DCAF11: variants seen among roughly 807,000 people sequenced by gnomAD.
The protein encoded by DCAF11 is DDB1- and CUL4-associated factor 11.
Under a neutral mutation model 76.1 loss-of-function variants are expected in DCAF11, and 44 were observed. The ratio of observed to expected loss-of-function variants is 0.58; its 90% CI spans 0.45 to 0.74. The LOEUF (loss-of-function observed/expected upper bound fraction) is 0.74, where lower values mean the gene tolerates loss of function less well. Ranked by LOEUF, DCAF11 falls within the 30% of genes least tolerant of loss-of-function variation. The pLI, the probability that DCAF11 is intolerant of heterozygous loss-of-function variation, is 0.00. For synonymous variants in DCAF11, 258 were observed against 255.0 expected, an observed-to-expected ratio of 1.01 and a Z score of -0.11; for missense variants, 604 against 709.4, an observed-to-expected ratio of 0.85 and a Z score of 1.69.
At position 24,118,049 on chromosome 14, in the gene DCAF11, C is replaced by T; in HGVS notation, c.477-6C>T. Reference sequence around the variant, plus strand: ...CCTCACCCTCACTTTCTCTCTCCTTCCCTAGCTTCTTGCCCAATGATCTGG... The same window carrying T: ...CCTCACCCTCACTTTCTCTCTCCTTTCCTAGCTTCTTGCCCAATGATCTGG... On this transcript the variant is annotated splice_polypyrimidine_tract_variant and splice_region_variant and intron_variant, in intron 5 of 14. Coordinates refer to ENST00000446197, the MANE Select transcript of DCAF11 (RefSeq NM_025230.5). The T allele has an allele frequency of 6.2e-7, 1 of 1,602,712 alleles. No homozygotes were observed. Among genetic ancestry groups the T allele is most frequent in the South Asian group, 1.1e-5 (1 of 89,812 alleles).
chr14:24,116,451 C>T (rs2037568838), intron 2 of DCAF11, among the ~76,000 whole-genome samples: 1 of 152,212 alleles, frequency 6.6e-6, no homozygotes, highest in Non-Finnish European at 1.5e-5. Flanking sequence ...CAGCCTGCAA[C>T]TCCTGGGCTC....
intron 9 of DCAF11, 79 bp downstream of exon 9, chr14:24,119,292 G>A: frequency 1.3e-6 from 2 of 1,557,168 alleles, no homozygotes; most frequent in Admixed American, 1.7e-5. Context: ...TTACACAGAT[G>A]GCACTGGCAG....
chr14:24,121,081 C>G, intron 12 of DCAF11, 90 bp downstream of exon 12: 1 of 1,522,202 alleles, frequency 6.6e-7, no homozygotes, highest in Non-Finnish European at 8.9e-7. Flanking sequence ...CAGGCATTAA[C>G]TCTTTATTTG....
At chr14:24,118,906 A>G (rs886478237) in intron 8 of DCAF11, 102 bp downstream of exon 8, 11 of 1,372,728 alleles carry the variant, frequency 8.0e-6, no homozygotes, top group Non-Finnish European at 1.1e-5. Context: ...GGGAAAAAGT[A>G]TACTGGTGGG....
rs2037737028 is a variant in DCAF11, at chr14:24,123,939, G to A, written c.*630G>A. The stretch of plus-strand genomic sequence containing the variant: ...CCTCTGGGAAGGTCCCTTCATGCTG[G>A]AGGCACACAGCTTTAAGGAAGTAGG... On this transcript the variant is annotated 3_prime_UTR_variant, in exon 15 of 15. Transcript: ENST00000446197. The A allele has an allele frequency of 6.6e-6, 1 of 152,210 alleles. No homozygotes were observed. The highest frequency in any genetic ancestry group is 2.1e-4 in the South Asian group (1 of 4,832). The allele number at this position is 152,210 out of a possible 1,614,324, so 9.4% of individuals were successfully genotyped here.
Position 24,119,216 on chromosome 14 carries a change from A to T in DCAF11, c.848+3A>T. ...GATGGACGAGAAGTACTAGGAGGGTAAGTGCTTGTGGGGTATGTTTCCCTC... is the reference window on the plus strand; with the variant it reads ...GATGGACGAGAAGTACTAGGAGGGTTAGTGCTTGTGGGGTATGTTTCCCTC... On this transcript the variant is annotated splice_donor_region_variant and intron_variant, in intron 9 of 14. Coordinates refer to ENST00000446197, the MANE Select transcript of DCAF11 (RefSeq NM_025230.5). 1 of 1,614,164 alleles carries T rather than the reference A, an allele frequency of 6.2e-7. No homozygotes were observed. Among genetic ancestry groups the T allele is most frequent in the Non-Finnish European group, 8.5e-7 (1 of 1,180,000 alleles).
chr14:24,117,641 C>T lies in DCAF11; in HGVS notation c.412-27C>T, dbSNP rs371314927. On this transcript the variant is annotated intron_variant, in intron 4 of 14. Transcript: ENST00000446197. This position sits in a 1 kb window ranked among gnomAD's most constrained non-coding sequence, Gnocchi z 4.3. ...TGAAGTGGCCCTCTATTTCTGCTAGCAATATTCCCCAATCCCTTCCATTTA... is the reference window on the plus strand; with the variant it reads ...TGAAGTGGCCCTCTATTTCTGCTAGTAATATTCCCCAATCCCTTCCATTTA... The T allele has an allele frequency of 1.5e-5, 24 of 1,607,658 alleles. No individual in the cohort carries two copies. The highest frequency in any genetic ancestry group is 2.0e-5 in the Non-Finnish European group (23 of 1,175,316).
At chr14:24,121,117 G>A (rs2037682891) in intron 12 of DCAF11, 126 bp downstream of exon 12, 3 of 1,398,626 alleles carry the variant, frequency 2.1e-6, no homozygotes, top group Non-Finnish European at 2.9e-6. Context: ...AATGGCCAGA[G>A]GTTCCTAGGA....
At position 24,121,283 on chromosome 14, in the gene DCAF11, C is replaced by T. The variant is rs1200816382; in HGVS notation, c.1247-82C>T. The T allele has an allele frequency of 3.8e-5, 59 of 1,558,590 alleles. No homozygotes were observed. In the South Asian group the frequency reaches 4.8e-4, roughly 13 times the overall value. On this transcript the variant is annotated intron_variant, in intron 12 of 14. Transcript: ENST00000446197. ...TGGAAAGGCATTTGTCTCTGGGCAT[C>T]GAACCTTGCTCAGGACTGGTGGTAC...
chr14:24,116,776 CA>C, intron 2 of DCAF11, 140 bp from the exon 3 acceptor site: 2 of 1,238,290 alleles, frequency 1.6e-6, no homozygotes, highest in Non-Finnish European at 2.3e-6. Context: ...TATAGGAGAC[CA>C]AAAATAACAG....
intron 8 of DCAF11, 166 bp from the exon 9 acceptor site, chr14:24,118,979 G>T: frequency 8.8e-7 from 1 of 1,135,652 alleles, no homozygotes; most frequent in Non-Finnish European, 1.3e-6. Flanking sequence ...TAAAATAGAT[G>T]GTTGCAGGAT....
chr14:24,118,344 C>G lies in DCAF11; in HGVS notation c.578-44C>G, dbSNP rs140411068. 1.7e-4 allele frequency: 271 copies of G among 1,610,678 alleles called. No individual in the cohort carries two copies. In the African/African-American group the frequency reaches 2.9e-3, roughly 17 times the overall value. On this transcript the variant is annotated intron_variant, in intron 6 of 14. Transcript: ENST00000446197. The stretch of plus-strand genomic sequence containing the variant: ...GGAGATGTCTAATCTAGAAAAGTTA[C>G]AAGGAAACTGTCCCATAATTCTGCC...
chr14:24,114,830 A>C lies in DCAF11; in HGVS notation c.-677A>C. The C allele has an allele frequency of 1.0e-6, 1 of 985,958 alleles. No individual in the cohort carries two copies. The highest frequency in any genetic ancestry group is 1.2e-6 in the Non-Finnish European group (1 of 829,960). 61.1% of individuals were successfully genotyped at this position (985,958 alleles called of 1,614,324 possible). On this transcript the variant is annotated 5_prime_UTR_variant, in exon 1 of 15. Transcript: ENST00000446197. Reference sequence around the variant, plus strand: ...AAGCCGCGAGATGCGTGACGAGCGAAGCGCGTGACGGAGGAGCGGTTGGCC... The same window carrying C: ...AAGCCGCGAGATGCGTGACGAGCGACGCGCGTGACGGAGGAGCGGTTGGCC...
Position 24,123,207 on chromosome 14 carries a change from C to T in DCAF11, c.1539C>T (p.Arg513=), listed in dbSNP as rs781448668. 12 of 1,599,244 alleles carry T rather than the reference C, an allele frequency of 7.5e-6. 1 individual carries two copies. In the South Asian group the frequency reaches 1.4e-4, roughly 18 times the overall value. The change falls in exon 15 of 15, where the codon CGC becomes CGT. Residue 513 remains arginine (R), a synonymous_variant. Coordinates refer to ENST00000446197, the MANE Select transcript of DCAF11 (RefSeq NM_025230.5). The part of the protein sequence containing the change: ...WDGNLRLWQY[R]QAEYFQDDMP... ...GGAACCTGCGTCTGTGGCAGTACCG[C>T]CAGGCTGAGTACTTCCAGGATGACA... is the stretch of plus-strand genomic sequence containing the variant.
rs775875890 is a variant in DCAF11, at chr14:24,121,456, C to T, written c.1338C>T (p.Ser446=). 1.4e-5 allele frequency: 23 copies of T among 1,614,078 alleles called. No homozygotes were observed. The South Asian group carries it at 2.5e-4, about 18-fold the overall frequency. The stretch of plus-strand genomic sequence containing the variant: ...ACACCCTCATCCGCTGCCGGTTCTC[C>T]CCCATTCATAGCACTGGCCAGCAGT... The part of the protein sequence containing the change: ...VLHTLIRCRF[S]PIHSTGQQFI... Residue 446 remains serine, a synonymous_variant, in exon 13 of 15, where the codon TCC becomes TCT. Coordinates refer to ENST00000446197, the MANE Select transcript of DCAF11 (RefSeq NM_025230.5).
chr14:24,119,146 C>A lies in DCAF11; in HGVS notation c.781C>A (p.Pro261Thr). The change falls in exon 9 of 15, where the codon CCA becomes ACA. Residue 261 changes from proline (P) to threonine (T), a missense_variant and splice_region_variant. Pro to Thr is a conservative substitution (Grantham distance 38). Transcript: ENST00000446197. ...AACCCAGCTCCTTCTTGCTTTTAGG[C>A]CAGATGAGCGTCGCTTTGCTGTCTT... is the stretch of plus-strand genomic sequence containing the variant. The part of the protein sequence containing the change: ...GDTHTALDLR[P>T]DERRFAVFSI... The A allele has an allele frequency of 6.2e-7, 1 of 1,614,214 alleles. No homozygotes were observed. The highest frequency in any genetic ancestry group is 8.5e-7 in the Non-Finnish European group (1 of 1,180,038).
chr14:24,121,064 T>A, intron 12 of DCAF11, 73 bp downstream of exon 12: 1 of 1,571,990 alleles, frequency 6.4e-7, no homozygotes. Context: ...CCCTCAGCCC[T>A]CTTTGCCAGG....
Position 24,117,045 on chromosome 14 carries a change from G to C in DCAF11, c.283+1G>C. ...CTTGGGGATCGATACAACCCACCTG[G>C]TAAGAGGAAAAGCCCCTAATGTTGG... On this transcript the variant is annotated splice_donor_variant, in intron 3 of 14. Transcript: ENST00000446197. LOFTEE classifies it high-confidence loss of function. This position sits in a 1 kb window ranked among gnomAD's most constrained non-coding sequence, Gnocchi z 4.3. 6.2e-7 allele frequency: 1 copy of C among 1,614,184 alleles called. No homozygotes were observed. Among genetic ancestry groups the C allele is most frequent in the Non-Finnish European group, 8.5e-7 (1 of 1,180,038 alleles).
At chr14:24,121,249 C>T (rs1156985176) in intron 12 of DCAF11, 116 bp from the exon 13 acceptor site, 4 of 1,401,428 alleles carry the variant, frequency 2.9e-6, no homozygotes, top group African/African-American at 1.4e-5. Flanking sequence ...AGAGCCACCA[C>T]TTGAAGATTG....
Sources: gnomAD v4.1 joint callset for allele counts (sites outside exome capture counted in the v4.1 genomes callset) on GRCh38, gnomAD v4.1.1 for gene constraint, Gnocchi (gnomAD v3.1) non-coding constraint, MANE v1.5 for transcripts, NCBI Gene and HGNC (gene_info 2026-07-23, HGNC 2026-07-21) for gene names.